TNFSF10: variants seen among roughly 807,000 people sequenced by gnomAD.
The protein encoded by TNFSF10 is TNF superfamily member 10.
Under a neutral mutation model 29.5 loss-of-function variants are expected in TNFSF10, and 13 were observed. The observed-to-expected ratio is 0.44, with a 90% CI of 0.29 to 0.70. The LOEUF is 0.70. TNFSF10 is among the 30% of genes least tolerant of loss of function. TNFSF10 has a pLI of 0.13. For synonymous variants in TNFSF10, 111 were observed against 112.8 expected (o/e 0.98, Z 0.10); for missense variants, 345 against 330.9 (o/e 1.04, Z -0.33).
Position 172,510,323 on chromosome 3 carries a change from G to A in TNFSF10, c.314-1002C>T, listed in dbSNP as rs553515597. 2.0e-5 allele frequency among the ~76,000 whole-genome samples: 3 copies of A among 152,118 alleles called. No individual in the cohort carries two copies. The East Asian group carries it at 5.8e-4, about 29-fold the overall frequency. On this transcript the variant is annotated intron_variant, in intron 3 of 4. Coordinates refer to ENST00000241261, the MANE Select transcript of TNFSF10 (RefSeq NM_003810.4). ...ATAGAAAAATCAGCCAGGCGTGTTG[G>A]CCTGTGCCCGTAGTCCTACTATTCG...
chr3:172,522,956 T>C (rs956838941), intron 1 of TNFSF10, among the ~76,000 whole-genome samples: 2 of 152,196 alleles, frequency 1.3e-5, no homozygotes, highest in Non-Finnish European at 2.9e-5. Flanking sequence ...AGAGTTGCAA[T>C]GGCTGATATT....
intron 1 of TNFSF10, among the ~76,000 whole-genome samples, chr3:172,520,108 TCTA>T (rs1432985766): frequency 6.6e-6 from 1 of 152,250 alleles, no homozygotes; most frequent in African/African-American, 2.4e-5. Context: ...CTCATAATTC[TCTA>T]CTATTTAATA....
intron 3 of TNFSF10, among the ~76,000 whole-genome samples, chr3:172,509,976 CAAAAAAA>C (rs11290814): frequency 4.9e-5 from 5 of 101,878 alleles, no homozygotes; most frequent in East Asian, 5.6e-4. Flanking sequence ...AAGACTCCGT[CAAAAAAA>C]AAAAAAAAAA....
At chr3:172,518,317 C>T (rs1577014796) in intron 1 of TNFSF10, 1 of 1,227,706 alleles carries the variant, frequency 8.1e-7, no homozygotes, top group South Asian at 1.4e-5. Flanking sequence ...GGTGCTGTTA[C>T]AAACACGGTG....
In TNFSF10 at chr3:172,506,135, C is replaced by T. The variant is rs1157410740; in HGVS notation, c.*357G>A. The T allele has an allele frequency of 4.2e-5, 8 of 189,552 alleles. No homozygotes were observed. In the South Asian group the frequency reaches 6.5e-4, roughly 15 times the overall value. The allele number at this position is 189,552 out of a possible 1,614,324, so 11.7% of individuals were successfully genotyped here. ...ACACTACTTGAGAGATGGATTGTTG[C>T]TCTTTCTTCTACAGTCTTTACAAGG... On this transcript the variant is annotated 3_prime_UTR_variant, in exon 5 of 5. Coordinates refer to ENST00000241261, the MANE Select transcript of TNFSF10 (RefSeq NM_003810.4).
At chr3:172,518,079 C>T in intron 1 of TNFSF10, 5 of 1,005,852 alleles carry the variant, frequency 5.0e-6, no homozygotes, top group South Asian at 4.0e-5. Flanking sequence ...ACGTCTCCCC[C>T]GCCTCCTCCC....
intron 1 of TNFSF10, chr3:172,518,495 A>T (rs1271298258): frequency 7.1e-6 from 9 of 1,276,036 alleles, no homozygotes; most frequent in South Asian, 1.2e-5. Flanking sequence ...TCATTTATGG[A>T]GATCCGTGGA....
At position 172,506,341 on chromosome 3, in the gene TNFSF10, G is replaced by T; in HGVS notation, c.*151C>A. 1.1e-6 allele frequency: 1 copy of T among 929,780 alleles called. No homozygotes were observed. The highest frequency in any genetic ancestry group is 1.6e-6 in the Non-Finnish European group (1 of 644,318). The allele number at this position is 929,780 out of a possible 1,614,324, so 57.6% of individuals were successfully genotyped here. On this transcript the variant is annotated 3_prime_UTR_variant, in exon 5 of 5. Transcript: ENST00000241261. ...GTGTGTGTTGTAGAATTTTTTGGTT[G>T]TGGCTGCTCTACTCAGATTGCATAG...
chr3:172,508,664 C>T (rs570449128), intron 4 of TNFSF10, among the ~76,000 whole-genome samples: 7 of 152,070 alleles, frequency 4.6e-5, no homozygotes, highest in Non-Finnish European at 8.8e-5. Flanking sequence ...CCGAGGTGGG[C>T]GGATCACCTG....
chr3:172,513,904 T>C (rs1458985893), intron 2 of TNFSF10, among the ~76,000 whole-genome samples: 1 of 151,964 alleles, frequency 6.6e-6, no homozygotes. Context: ...AGTGGCATGA[T>C]CTCAGCTCAC....
rs555894996 is a variant in TNFSF10 at position 172,506,500 on chromosome 3, C to T, written c.838G>A (p.Val280Ile). 6 of 1,602,048 alleles carry T rather than the reference C, an allele frequency of 3.7e-6. No individual in the cohort carries two copies. The highest frequency in any genetic ancestry group is 2.7e-5 in the African/African-American group (2 of 74,306). Residue 280 changes from valine (V) to isoleucine (I), a missense_variant, in exon 5 of 5, where the codon GTT becomes ATT. Physicochemically the swap from Val to Ile is conservative, Grantham distance 29. Coordinates refer to ENST00000241261, the MANE Select transcript of TNFSF10 (RefSeq NM_003810.4). ...TTTTCTTTCCAGGTCAGTTAGCCAA[C>T]TAAAAAGGCCCCAAAAAAACTGGCT... The part of the protein sequence containing the change: ...HEASFFGAFL[V>I]G
chr3:172,509,360 A>G lies in TNFSF10; in HGVS notation c.314-39T>C, dbSNP rs1185571331. On this transcript the variant is annotated intron_variant, in intron 3 of 4. Transcript: ENST00000241261. The stretch of plus-strand genomic sequence containing the variant: ...GATAAAGGGTCATCAACACTTGCCA[A>G]ACTAGTTCTCCAATACCTTGCTCTT... The G allele has an allele frequency of 4.5e-6, 7 of 1,545,880 alleles. No homozygotes were observed. The Admixed American group carries it at 5.1e-5, about 11-fold the overall frequency.
At chr3:172,509,189 T>TA (rs758401372) in intron 4 of TNFSF10, 28 bp downstream of exon 4, 2 of 1,575,606 alleles carry the variant, frequency 1.3e-6, no homozygotes, top group Admixed American at 3.5e-5. Context: ...TATTTTCCCT[T>TA]AAGTCACTTA....
chr3:172,508,955 G>GA (rs10706597), intron 4 of TNFSF10, among the ~76,000 whole-genome samples: 1 of 151,308 alleles, frequency 6.6e-6, no homozygotes, highest in Non-Finnish European at 1.5e-5. Flanking sequence ...TCTAAAGAAG[G>GA]AAAAAAAATG....
At chr3:172,522,927 T>C (rs1356258795) in intron 1 of TNFSF10, among the ~76,000 whole-genome samples, 1 of 152,250 alleles carries the variant, frequency 6.6e-6, no homozygotes, top group African/African-American at 2.4e-5. Flanking sequence ...ACAAAGCATT[T>C]AGCAGAAAGC....
At chr3:172,512,805 A>T (rs1375916796) in intron 2 of TNFSF10, among the ~76,000 whole-genome samples, 1 of 152,248 alleles carries the variant, frequency 6.6e-6, no homozygotes, top group African/African-American at 2.4e-5. Flanking sequence ...GCAAAATAAA[A>T]AGAGTGACTA....
chr3:172,515,007 A>C lies in TNFSF10; in HGVS notation c.133-9T>G, dbSNP rs781736700. The C allele has an allele frequency of 1.2e-6, 2 of 1,614,006 alleles. No homozygotes were observed. Among genetic ancestry groups the C allele is most frequent in the African/African-American group, 2.7e-5 (2 of 74,914 alleles). On this transcript the variant is annotated splice_polypyrimidine_tract_variant and intron_variant, in intron 1 of 4. Transcript: ENST00000241261. ...GAGTACTTGTCCTGCATCTGGGTTG[A>C]GATGGAATATAACACAATATTTTGC... is the stretch of plus-strand genomic sequence containing the variant.
chr3:172,522,568 A>G lies in TNFSF10; in HGVS notation c.132+685T>C, dbSNP rs1242757974. ...AGGAAATAGACTCTTTTATTTATTC[A>G]TGGCTACAGTGTAAGCTCCAGTCCC... On this transcript the variant is annotated intron_variant, in intron 1 of 4. Transcript: ENST00000241261. 1.0e-4 allele frequency: 52 copies of G among 505,454 alleles called. No individual in the cohort carries two copies. The East Asian group carries it at 1.6e-3, about 16-fold the overall frequency. The allele number at this position is 505,454 out of a possible 1,614,324, so 31.3% of individuals were successfully genotyped here. A position where few individuals can be genotyped will look rare whatever the true frequency, so the allele number is the denominator to read the frequency against.
chr3:172,520,202 G>T (rs1364486754), intron 1 of TNFSF10, among the ~76,000 whole-genome samples: 1 of 152,136 alleles, frequency 6.6e-6, no homozygotes, highest in East Asian at 1.9e-4. Flanking sequence ...AGTTCCAGGG[G>T]TTTTCATCGA....
Sources: gnomAD v4.1 joint callset for allele counts (sites outside exome capture counted in the v4.1 genomes callset) on GRCh38, gnomAD v4.1.1 for gene constraint, MANE v1.5 for transcripts, NCBI Gene and HGNC (gene_info 2026-07-23, HGNC 2026-07-21) for gene names.